ZNF469: variants seen among roughly 807,000 people sequenced by gnomAD.
ZNF469 encodes the protein zinc finger protein 469.
A neutral mutation model predicts 1.0 loss-of-function variants in ZNF469; 1 was observed. That is an observed-to-expected ratio of 1.00 (90% CI 0.35 to 4.73). The LOEUF (loss-of-function observed/expected upper bound fraction) is 4.73, where lower values mean the gene tolerates loss of function less well. Ranked by LOEUF, ZNF469 falls within the 30% of genes most tolerant of loss-of-function variation. The pLI is 0.16. For synonymous variants in ZNF469, 2,703 were observed against 2,363.4 expected, an observed-to-expected ratio of 1.14 and a Z score of -4.17; for missense variants, 6,100 against 5,356.3, an observed-to-expected ratio of 1.14 and a Z score of -4.33.
chr16:88,303,558 A>G, the ZNF469 span, among the ~76,000 whole-genome samples: 6,587 of 152,256 alleles, frequency 0.043, 468 homozygotes, highest in African/African-American at 0.15. Flanking sequence ...GAGGCATCTC[A>G]GAAGAAAATC....
chr16:88,166,335 C>T, the ZNF469 span, among the ~76,000 whole-genome samples: 27 of 152,126 alleles, frequency 1.8e-4, no homozygotes, highest in Admixed American at 2.0e-4. The surrounding 1 kb of genome is among the most constrained non-coding windows in gnomAD (Gnocchi z 4.5). Context: ...TTTCAGAAAA[C>T]AACTGTGGAC....
At chr16:88,117,705 C>T in the ZNF469 span, among the ~76,000 whole-genome samples, 1 of 152,214 alleles carries the variant, frequency 6.6e-6, no homozygotes, top group African/African-American at 2.4e-5. Flanking sequence ...GGAAGAGGGG[C>T]TTTTCCTGGG....
chr16:88,214,208 C>G, the ZNF469 span, among the ~76,000 whole-genome samples: 1 of 152,170 alleles, frequency 6.6e-6, no homozygotes, highest in African/African-American at 2.4e-5. Flanking sequence ...TAGGATACCC[C>G]CCGAAGGATT....
chr16:88,205,958 G>T, the ZNF469 span, among the ~76,000 whole-genome samples: 5 of 152,108 alleles, frequency 3.3e-5, no homozygotes, highest in Admixed American at 6.6e-5. The surrounding 1 kb of genome is among the most constrained non-coding windows in gnomAD (Gnocchi z 4.2). Context: ...TCAGAGGAAG[G>T]GGGGGGCCCA....
the ZNF469 span, chr16:88,294,890 C>T: frequency 3.2e-4 from 51 of 157,046 alleles, no homozygotes; most frequent in Middle Eastern, 3.3e-3. Context: ...ACACCAAGCA[C>T]GGCCTGTGCT....
chr16:88,380,528 A>ACACATACGTGCAC (rs1567495460), upstream of ZNF469, among the ~76,000 whole-genome samples: 1 of 71,724 alleles, frequency 1.4e-5, no homozygotes. Flanking sequence ...CACACGCACT[A>ACACATACGTGCAC]ACACACACGC....
rs775992269 is a variant in ZNF469 at position 88,434,985 on chromosome 16, G to A, written c.7515G>A (p.Pro2505=). The A allele has an allele frequency of 1.5e-5, 24 of 1,550,050 alleles. No homozygotes were observed. The highest frequency in any genetic ancestry group is 1.4e-5 in the Non-Finnish European group (16 of 1,146,952). Residue 2505 remains proline, a synonymous_variant, in exon 3 of 3, where the codon CCG becomes CCA. Coordinates refer to ENST00000565624, the MANE Select transcript of ZNF469 (RefSeq NM_001367624.2). ...HRPHPGAPAE[P]SPAALPAQQP... ...CACACCCGGGAGCCCCCGCGGAGCC[G>A]AGCCCAGCGGCCTTGCCTGCTCAGC...
At chr16:88,125,283 G>A in the ZNF469 span, among the ~76,000 whole-genome samples, 2 of 152,208 alleles carry the variant, frequency 1.3e-5, no homozygotes, top group Admixed American at 6.5e-5. Flanking sequence ...AAGATAGTAT[G>A]TCTTCTAAAT....
At chr16:88,103,820 A>G in the ZNF469 span, among the ~76,000 whole-genome samples, 1 of 133,622 alleles carries the variant, frequency 7.5e-6, no homozygotes, top group Non-Finnish European at 1.6e-5. Context: ...TCCATGGCAA[A>G]AGGGAGCGGT....
In ZNF469 at chr16:88,436,493, A is replaced by T. The variant is rs1405642687; in HGVS notation, c.9023A>T (p.Asp3008Val). ...CTGGAGATGCCGGCCCCTGCCGATG[A>T]CTCCTCCTCTTCTCTCGGAGATGTG... Reference protein sequence around the residue: ...RGLEMPAPADDSSSSLGDVSP... With the variant: ...RGLEMPAPADVSSSSLGDVSP... Residue 3008 changes from aspartate (D) to valine (V), a missense_variant, in exon 3 of 3, where the codon GAC becomes GTC. Physicochemically the swap from Asp to Val is radical, Grantham distance 152 (BLOSUM62 -3). Coordinates refer to ENST00000565624, the MANE Select transcript of ZNF469 (RefSeq NM_001367624.2). 3 of 1,547,444 alleles carry T rather than the reference A, an allele frequency of 1.9e-6. No homozygotes were observed. In the African/African-American group the frequency reaches 4.1e-5, roughly 21 times the overall value.
In ZNF469 at chr16:88,430,979, A is replaced by G. The variant is rs1225045390; in HGVS notation, c.3509A>G (p.Gln1170Arg). Residue 1170 changes from glutamine (Q) to arginine (R), a missense_variant, in exon 3 of 3, where the codon CAG becomes CGG. Coordinates refer to ENST00000565624, the MANE Select transcript of ZNF469 (RefSeq NM_001367624.2). ...CGCCCGGGCCCCGGCAGGAGCCCTC[A>G]GGCCCGTGGCCCGTCTCGAAGCCTG... ...GSRPGPGRSP[Q>R]ARGPSRSLET... The G allele has an allele frequency of 2.6e-6, 4 of 1,540,266 alleles. No individual in the cohort carries two copies. Among genetic ancestry groups the G allele is most frequent in the African/African-American group, 1.4e-5 (1 of 72,942 alleles).
chr16:88,224,614 G>A, the ZNF469 span, among the ~76,000 whole-genome samples: 2 of 152,210 alleles, frequency 1.3e-5, no homozygotes, highest in Admixed American at 6.5e-5. Flanking sequence ...AGCCTGACAC[G>A]CAGCAGGAGG....
At chr16:88,215,751 C>G in the ZNF469 span, among the ~76,000 whole-genome samples, 17 of 151,884 alleles carry the variant, frequency 1.1e-4, no homozygotes, top group Non-Finnish European at 2.4e-4. Flanking sequence ...TTAACTTTTG[C>G]TAGTCTTTTA....
chr16:88,115,651 C>CAA, the ZNF469 span, among the ~76,000 whole-genome samples: 2 of 149,256 alleles, frequency 1.3e-5, no homozygotes, highest in Non-Finnish European at 1.5e-5. Flanking sequence ...AGAGGCCCGC[C>CAA]GAGCCGTACT....
intron 1 of ZNF469, among the ~76,000 whole-genome samples, chr16:88,422,379 G>C (rs1448730517): frequency 7.0e-6 from 1 of 141,910 alleles, no homozygotes; most frequent in African/African-American, 2.6e-5. Flanking sequence ...GTGGATGAAT[G>C]AATGGGTGAA....
At chr16:88,369,433 C>T in the ZNF469 span, among the ~76,000 whole-genome samples, 4 of 152,226 alleles carry the variant, frequency 2.6e-5, no homozygotes, top group Non-Finnish European at 4.4e-5. Context: ...GTCTGTGTGG[C>T]CTTCTCTCCC....
At chr16:88,170,869 C>A in the ZNF469 span, among the ~76,000 whole-genome samples, 1 of 152,024 alleles carries the variant, frequency 6.6e-6, no homozygotes, top group South Asian at 2.1e-4. This position sits in a 1 kb window ranked among gnomAD's most constrained non-coding sequence, Gnocchi z 4.2. Flanking sequence ...AACTGACTTT[C>A]CCTCCAACCG....
intron 1 of ZNF469, among the ~76,000 whole-genome samples, chr16:88,419,210 C>T (rs1417123154): frequency 6.6e-6 from 1 of 152,210 alleles, no homozygotes; most frequent in Admixed American, 6.5e-5. Context: ...CTTCAGGGGC[C>T]GTGCCAAGCC....
At chr16:88,329,751 C>T in the ZNF469 span, among the ~76,000 whole-genome samples, 2 of 152,224 alleles carry the variant, frequency 1.3e-5, no homozygotes, top group Admixed American at 6.5e-5. Flanking sequence ...TTCTTAACAA[C>T]ATTTGTGCTG....
Sources: allele counts gnomAD v4.1 joint callset (sites outside exome capture counted in the v4.1 genomes callset), GRCh38; gene constraint gnomAD v4.1.1; non-coding constraint Gnocchi (gnomAD v3.1); transcripts MANE v1.5; gene names NCBI Gene and HGNC (gene_info 2026-07-23, HGNC 2026-07-21).